The following MGAM2 variants were observed in gnomAD, a reference collection of about 807,000 sequenced individuals.
The protein encoded by MGAM2 is maltase-glucoamylase 2 (putative), also known as probable maltase-glucoamylase 2.
MGAM2 carries 98 observed loss-of-function variants against 96.1 expected under a neutral mutation model. The ratio of observed to expected loss-of-function variants is 1.02; its 90% CI spans 0.87 to 1.21. The LOEUF (loss-of-function observed/expected upper bound fraction) is 1.21. Ranked by LOEUF, MGAM2 falls within the 50% of genes most tolerant of loss-of-function variation. The probability of loss-of-function intolerance (pLI) is 0.00; values close to 1 mark genes in which losing one functional copy is unlikely to be tolerated. For missense variants in MGAM2, 2,055 were observed against 1,182.4 expected (o/e 1.74, Z -10.82); for synonymous variants, 749 against 414.8 (o/e 1.81, Z -9.79).
At chr7:142,121,268 C>T (rs1484286686) in intron 3 of MGAM2, among the ~76,000 whole-genome samples, 2 of 152,102 alleles carry the variant, frequency 1.3e-5, no homozygotes, top group East Asian at 3.9e-4. Flanking sequence ...ACCTCTGCCT[C>T]CCAGGTTCAA....
At chr7:142,139,613 T>A (rs1795158895) in intron 10 of MGAM2, among the ~76,000 whole-genome samples, 1 of 143,656 alleles carries the variant, frequency 7.0e-6, no homozygotes, top group South Asian at 2.2e-4. Context: ...TGAGCTGAGA[T>A]CGCGCCACTA....
At chr7:142,193,670 C>A (rs1178077277) in intron 37 of MGAM2, among the ~76,000 whole-genome samples, 1 of 152,166 alleles carries the variant, frequency 6.6e-6, no homozygotes, top group African/African-American at 2.4e-5. Flanking sequence ...ACCTAGATTC[C>A]AGATATTTAT....
intron 29 of MGAM2, 123 bp from the exon 30 acceptor site, chr7:142,172,529 G>T: frequency 1.7e-6 from 1 of 580,516 alleles, no homozygotes; most frequent in Admixed American, 3.1e-5. Flanking sequence ...GATGAGAGAA[G>T]ACTTTCTAGA....
intron 27 of MGAM2, 106 bp from the exon 28 acceptor site, chr7:142,171,166 G>A (rs1184979462): frequency 5.7e-6 from 4 of 695,752 alleles, no homozygotes; most frequent in Non-Finnish European, 7.9e-6. Flanking sequence ...GGATCTAAAT[G>A]TGCAATAATT....
chr7:142,159,427 A>G, intron 20 of MGAM2, 84 bp downstream of exon 20: 1 of 677,514 alleles, frequency 1.5e-6, no homozygotes, highest in Non-Finnish European at 2.7e-6. Context: ...AGCTTGCCAT[A>G]GAATAATAGT....
Position 142,220,599 on chromosome 7 carries a change from A to G in MGAM2, c.6088A>G (p.Ile2030Val), listed in dbSNP as rs1797895727. 1.4e-6 allele frequency: 1 copy of G among 698,358 alleles called. No individual in the cohort carries two copies. The highest frequency in any genetic ancestry group is 2.9e-5 in the East Asian group (1 of 34,808). 43.3% of individuals were successfully genotyped at this position (698,358 alleles called of 1,614,324 possible). The change falls in exon 48 of 48, where the codon ATT becomes GTT. Residue 2030 changes from isoleucine (I) to valine (V), a missense_variant. Transcript: ENST00000477922. The stretch of plus-strand genomic sequence containing the variant: ...AACCACACTTTTTGCAACAAGTACT[A>G]TTGGTGTTACAACTGGTACTACTGT... ...ITTTLFATSTIGVTTGTTVPD... is the reference protein window; with the variant it reads ...ITTTLFATSTVGVTTGTTVPD...
intron 13 of MGAM2, 74 bp downstream of exon 13, chr7:142,143,956 GA>G: frequency 1.5e-6 from 1 of 684,432 alleles, no homozygotes; most frequent in South Asian, 1.5e-5. Context: ...TTTTGACCTT[GA>G]TGTCAAATAA....
At chr7:142,210,615 G>T (rs537132523) in intron 46 of MGAM2, among the ~76,000 whole-genome samples, 198 of 152,296 alleles carry the variant, frequency 1.3e-3, no homozygotes, top group Non-Finnish European at 1.6e-3. Flanking sequence ...CCACAAAGCC[G>T]CTGTAGCAAG....
intron 2 of MGAM2, among the ~76,000 whole-genome samples, chr7:142,119,922 G>C (rs1794510730): frequency 6.6e-6 from 1 of 152,218 alleles, no homozygotes; most frequent in African/African-American, 2.4e-5. Flanking sequence ...GAAGATAGCT[G>C]CTAAAGTGTA....
In MGAM2 at chr7:142,179,189, T is replaced by C. The variant is rs376799432; in HGVS notation, c.3816+3409T>C. On this transcript the variant is annotated intron_variant, in intron 32 of 47. Coordinates refer to ENST00000477922, the MANE Select transcript of MGAM2 (RefSeq NM_001293626.2). ...TATTGATGTATAGAAATGCTACTAA[T>C]TTTTGTACATTAATTTTGTATCTTG... Among the ~76,000 whole-genome samples the C allele has an allele frequency of 2.0e-4, 31 of 152,332 alleles. 1 individual carries two copies. In the South Asian group the frequency reaches 4.6e-3, roughly 22 times the overall value.
intron 2 of MGAM2, 125 bp downstream of exon 2, chr7:142,117,104 A>T (rs1817434877): frequency 3.1e-6 from 2 of 637,024 alleles, no homozygotes; most frequent in Admixed American, 4.9e-5. Flanking sequence ...ATTCACTTCC[A>T]TGATTAGTTT....
In MGAM2 at chr7:142,115,114, AG is replaced by A. The variant is rs558817789; in HGVS notation, c.1-1759del. Among the ~76,000 whole-genome samples, 21 of 152,288 alleles carry A rather than the reference AG, an allele frequency of 1.4e-4. No homozygotes were observed. The South Asian group carries it at 2.9e-3, about 21-fold the overall frequency. On this transcript the variant is annotated intron_variant, in intron 1 of 47. Transcript: ENST00000477922. ...CACTTGTAGTCCCAGCTACTCAGGA[AG>A]CTGAGGCAGGATAATCCCTTGAACC...
chr7:142,221,412 A>T lies in MGAM2; in HGVS notation c.6901A>T (p.Thr2301Ser). 1.7e-6 allele frequency: 1 copy of T among 598,450 alleles called. No homozygotes were observed. The highest frequency in any genetic ancestry group is 3.0e-6 in the Non-Finnish European group (1 of 337,288). The allele number at this position is 598,450 out of a possible 1,614,324, so 37.1% of individuals were successfully genotyped here. The change falls in exon 48 of 48, where the codon ACC (threonine) becomes TCC (serine). Residue 2301 changes from threonine to serine, a missense_variant. Physicochemically the swap from Thr to Ser is moderately conservative, Grantham distance 58. Coordinates refer to ENST00000477922, the MANE Select transcript of MGAM2 (RefSeq NM_001293626.2). ...TTACCAGACTTCTCCTACCATTCCT[A>T]CCCATACTCTTACTTCTATTCCTAG... Reference protein sequence around the residue: ...TYYQTSPTIPTHTLTSIPSSI... With the variant: ...TYYQTSPTIPSHTLTSIPSSI...
chr7:142,210,538 C>T (rs759095955), intron 46 of MGAM2, among the ~76,000 whole-genome samples: 1 of 152,136 alleles, frequency 6.6e-6, no homozygotes, highest in Non-Finnish European at 1.5e-5. Context: ...CTTGAGTAGG[C>T]GGTTTTCCCC....
chr7:142,192,652 G>A (rs1432673741), intron 37 of MGAM2, among the ~76,000 whole-genome samples: 2 of 152,112 alleles, frequency 1.3e-5, no homozygotes, highest in Non-Finnish European at 2.9e-5. Context: ...ACTTGATAAA[G>A]TTTCTACCAA....
chr7:142,174,653 G>A (rs2961067), intron 31 of MGAM2, among the ~76,000 whole-genome samples: 9 of 150,160 alleles, frequency 6.0e-5, no homozygotes, highest in Non-Finnish European at 7.4e-5. Context: ...TGTCATCTGC[G>A]AATATGAATA....
rs947152707 is a variant in MGAM2, at chr7:142,148,137, A to G, written c.1634+564A>G. On this transcript the variant is annotated intron_variant, in intron 15 of 47. Coordinates refer to ENST00000477922, the MANE Select transcript of MGAM2 (RefSeq NM_001293626.2). The surrounding 1 kb of genome is among the most constrained non-coding windows in gnomAD (Gnocchi z 4.2). ...TGCACACACAACTATCACCATCACC[A>G]CCACCATTACCTAACACCATCACCA... is the stretch of plus-strand genomic sequence containing the variant. Among the ~76,000 whole-genome samples, 3 of 151,632 alleles carry G rather than the reference A, an allele frequency of 2.0e-5. No individual in the cohort carries two copies. Among genetic ancestry groups the G allele is most frequent in the Admixed American group, 1.3e-4 (2 of 15,182 alleles).
intron 24 of MGAM2, among the ~76,000 whole-genome samples, chr7:142,165,231 G>A (rs183957273): frequency 5.9e-5 from 9 of 152,238 alleles, no homozygotes; most frequent in East Asian, 3.9e-4. Context: ...AGAAAATAGC[G>A]GGAGTCGGAA....
chr7:142,115,013 C>T (rs905501864), intron 1 of MGAM2, among the ~76,000 whole-genome samples: 2 of 151,862 alleles, frequency 1.3e-5, no homozygotes. Context: ...GTCAGGAGTT[C>T]GAGACTAGCC....
Sources: allele counts gnomAD v4.1 joint callset (sites outside exome capture counted in the v4.1 genomes callset), GRCh38; gene constraint gnomAD v4.1.1; non-coding constraint Gnocchi (gnomAD v3.1); transcripts MANE v1.5; gene names NCBI Gene and HGNC (gene_info 2026-07-23, HGNC 2026-07-21).